PIWIL2: variants seen among roughly 807,000 people sequenced by gnomAD.
The protein encoded by PIWIL2 is piwi like RNA-mediated gene silencing 2, also known as piwi-like protein 2.
In PIWIL2, 81 loss-of-function variants were observed where a neutral mutation model predicts 116.5. The observed-to-expected ratio is 0.70, with a 90% CI of 0.58 to 0.84. PIWIL2 has a LOEUF of 0.84. Among genes scored for constraint, PIWIL2 ranks in the 40% least tolerant of loss-of-function variants. PIWIL2 has a pLI of 0.00. For synonymous variants in PIWIL2, 489 were observed against 429.5 expected (o/e 1.14, Z -1.71); for missense variants, 1,272 against 1,212.3 (o/e 1.05, Z -0.73).
At chr8:22,314,470 C>T (rs762679854) in intron 17 of PIWIL2, 41 bp downstream of exon 17, 16 of 1,042,614 alleles carry the variant, frequency 1.5e-5, no homozygotes, top group South Asian at 1.0e-4. Flanking sequence ...TGGCACCTCT[C>T]GCCTCCCCGA....
intron 20 of PIWIL2, among the ~76,000 whole-genome samples, chr8:22,343,307 G>A (rs1212761300): frequency 6.6e-6 from 1 of 152,140 alleles, no homozygotes. Flanking sequence ...GGTGGCGCAT[G>A]CCTGTAATCG....
chr8:22,282,682 C>A (rs1830538282), intron 4 of PIWIL2, among the ~76,000 whole-genome samples: 1 of 151,956 alleles, frequency 6.6e-6, no homozygotes, highest in South Asian at 2.1e-4. Flanking sequence ...CCTCGACCTC[C>A]CAGGCTGAAG....
chr8:22,306,160 G>T, intron 13 of PIWIL2, 144 bp downstream of exon 13: 1 of 624,754 alleles, frequency 1.6e-6, no homozygotes, highest in South Asian at 1.9e-5. Context: ...CCAGCCTCCA[G>T]TTTTCTCCTC....
At chr8:22,327,023 A>AC (rs1831740336) in intron 20 of PIWIL2, among the ~76,000 whole-genome samples, 1 of 81,898 alleles carries the variant, frequency 1.2e-5, no homozygotes, top group Admixed American at 1.4e-4. Context: ...CTGTTTTTTT[A>AC]CTTTTTTTTT....
chr8:22,305,634 C>T (rs950652425), intron 12 of PIWIL2, among the ~76,000 whole-genome samples: 2 of 152,028 alleles, frequency 1.3e-5, no homozygotes, highest in African/African-American at 4.8e-5. Flanking sequence ...ATTGTCTTAA[C>T]CATTGTCTTG....
chr8:22,349,286 C>T (rs1416789618), intron 20 of PIWIL2, among the ~76,000 whole-genome samples: 5 of 151,018 alleles, frequency 3.3e-5, no homozygotes, highest in African/African-American at 7.3e-5. Context: ...GGATTACGGG[C>T]GTGAGCCACA....
At chr8:22,280,675 T>A (rs1830478976) in intron 2 of PIWIL2, among the ~76,000 whole-genome samples, 1 of 152,232 alleles carries the variant, frequency 6.6e-6, no homozygotes, top group African/African-American at 2.4e-5. Flanking sequence ...TACACAAACC[T>A]CTGATACTCA....
chr8:22,337,137 A>G (rs1057042261), intron 20 of PIWIL2, among the ~76,000 whole-genome samples: 2 of 152,178 alleles, frequency 1.3e-5, no homozygotes, highest in Non-Finnish European at 2.9e-5. Context: ...TCCTTATACT[A>G]TGAAGTCAGT....
chr8:22,319,312 A>T (rs930152264), intron 20 of PIWIL2, among the ~76,000 whole-genome samples: 2 of 152,034 alleles, frequency 1.3e-5, no homozygotes, highest in African/African-American at 2.4e-5. Context: ...ATTTTTTTTT[A>T]AAGTCTGTCT....
chr8:22,303,096 G>T (rs778323970), intron 10 of PIWIL2, among the ~76,000 whole-genome samples: 1 of 152,168 alleles, frequency 6.6e-6, no homozygotes, highest in Admixed American at 6.6e-5. Flanking sequence ...GAATAGACTG[G>T]TAGTTACCAG....
intron 1 of PIWIL2, among the ~76,000 whole-genome samples, chr8:22,278,118 A>G (rs191542841): frequency 6.6e-6 from 1 of 151,886 alleles, no homozygotes; most frequent in Non-Finnish European, 1.5e-5. Flanking sequence ...CGGTGAGCCA[A>G]GATTGCACCA....
At chr8:22,298,251 G>T (rs1032697819) in intron 10 of PIWIL2, among the ~76,000 whole-genome samples, 3 of 150,396 alleles carry the variant, frequency 2.0e-5, no homozygotes, top group Non-Finnish European at 4.4e-5. Flanking sequence ...AATGGAGTGA[G>T]ACCCTATTTA....
rs544172064 is a variant in PIWIL2, at chr8:22,336,510, G to A, written c.2404-16449G>A. Among the ~76,000 whole-genome samples the A allele has an allele frequency of 2.6e-3, 392 of 152,124 alleles. 4 individuals carry two copies. The highest frequency in any genetic ancestry group is 9.2e-3 in the African/African-American group (381 of 41,524). ...TAGAGGAAAATTTATTATAAACAAC[G>A]TATTTTAAAATAAGAAGAATCTAAA... On this transcript the variant is annotated intron_variant, in intron 20 of 22. Transcript: ENST00000356766.
chr8:22,338,973 A>G (rs1051213022), intron 20 of PIWIL2, among the ~76,000 whole-genome samples: 2 of 152,246 alleles, frequency 1.3e-5, no homozygotes, highest in African/African-American at 2.4e-5. Flanking sequence ...GGTCAGTAGC[A>G]TTGAGATAGA....
chr8:22,285,725 T>C (rs1421063295), intron 6 of PIWIL2, among the ~76,000 whole-genome samples: 1 of 152,128 alleles, frequency 6.6e-6, no homozygotes, highest in Admixed American at 6.6e-5. Flanking sequence ...CACTGCAACC[T>C]CTGCCTCCAA....
rs1007659871 is a variant in PIWIL2 at position 22,284,354 on chromosome 8, C to T, written c.743+82C>T. 2.2e-5 allele frequency: 15 copies of T among 683,704 alleles called. No homozygotes were observed. In the Admixed American group the frequency reaches 2.3e-4, roughly 11 times the overall value. The allele number at this position is 683,704 out of a possible 1,614,324, so 42.4% of individuals were successfully genotyped here. A position where few individuals can be genotyped will look rare whatever the true frequency, so the allele number is the denominator to read the frequency against. On this transcript the variant is annotated intron_variant, in intron 6 of 22. Coordinates refer to ENST00000356766, the MANE Select transcript of PIWIL2 (RefSeq NM_018068.5). Reference sequence around the variant, plus strand: ...TTCCCCTGGAATAACTGAATATTGTCCTGGACAGTTCCTGGTGGACGTCTC... The same window carrying T: ...TTCCCCTGGAATAACTGAATATTGTTCTGGACAGTTCCTGGTGGACGTCTC...
chr8:22,325,672 T>A (rs969189694), intron 20 of PIWIL2, among the ~76,000 whole-genome samples: 1 of 151,866 alleles, frequency 6.6e-6, no homozygotes, highest in African/African-American at 2.4e-5. Flanking sequence ...TTAGTAGAGA[T>A]GGGATTTCAC....
chr8:22,281,905 G>C (rs997095891), intron 4 of PIWIL2, among the ~76,000 whole-genome samples: 3 of 149,910 alleles, frequency 2.0e-5, no homozygotes, highest in Non-Finnish European at 4.4e-5. Context: ...CCAGGTGTCT[G>C]GGACTACAGG....
At chr8:22,297,828 A>G (rs183785833) in intron 10 of PIWIL2, among the ~76,000 whole-genome samples, 1 of 152,330 alleles carries the variant, frequency 6.6e-6, no homozygotes, top group African/African-American at 2.4e-5. Context: ...GGCTCTCAGG[A>G]AAGGCCTAAA....
Sources: allele counts gnomAD v4.1 joint callset (sites outside exome capture counted in the v4.1 genomes callset), GRCh38; gene constraint gnomAD v4.1.1; transcripts MANE v1.5; gene names NCBI Gene and HGNC (gene_info 2026-07-23, HGNC 2026-07-21).